RGPD2: variants seen among roughly 807,000 people sequenced by gnomAD.
The protein encoded by RGPD2 is RANBP2 like and GRIP domain containing 2.
A neutral mutation model predicts 36.0 loss-of-function variants in RGPD2; 2 were observed. The observed-to-expected ratio is 0.06, with a 90% CI of 0.02 to 0.17. RGPD2 has a LOEUF of 0.17. RGPD2 is among the 10% of genes least tolerant of loss of function. The pLI is 1.00. For synonymous variants in RGPD2, 19 were observed against 163.8 expected (o/e 0.12, Z 6.75); for missense variants, 40 against 464.3 (o/e 0.09, Z 8.40).
At chr2:87,937,770 A>C in the RGPD2 span, among the ~76,000 whole-genome samples, 14 of 151,628 alleles carry the variant, frequency 9.2e-5, no homozygotes, top group African/African-American at 3.2e-4. Flanking sequence ...TAGCAAAGGA[A>C]ATGTGAAAGA....
chr2:87,897,937 C>A, the RGPD2 span, among the ~76,000 whole-genome samples: 44 of 150,674 alleles, frequency 2.9e-4, no homozygotes, highest in Non-Finnish European at 5.9e-4. Flanking sequence ...AATTTGTGTT[C>A]AGTATATAGA....
the RGPD2 span, among the ~76,000 whole-genome samples, chr2:87,988,742 C>T: frequency 2.0e-5 from 3 of 151,506 alleles, no homozygotes; most frequent in Non-Finnish European, 2.9e-5. Context: ...GGTTTCACCA[C>T]GTTGGCCAGG....
chr2:87,858,122 T>G, the RGPD2 span, among the ~76,000 whole-genome samples: 5 of 152,308 alleles, frequency 3.3e-5, no homozygotes, highest in African/African-American at 4.8e-5. Flanking sequence ...GATTGAGTCA[T>G]ACGTACTCAG....
chr2:87,927,198 G>A, the RGPD2 span, among the ~76,000 whole-genome samples: 6 of 130,854 alleles, frequency 4.6e-5, 1 homozygote, highest in East Asian at 1.3e-3. Flanking sequence ...GAGACAGAAA[G>A]TACATTCCCA....
chr2:87,958,480 A>G, the RGPD2 span, among the ~76,000 whole-genome samples: 2 of 152,280 alleles, frequency 1.3e-5, no homozygotes, highest in African/African-American at 4.8e-5. Context: ...TATACACCAC[A>G]TATGTGCAGA....
At chr2:87,934,491 C>T in the RGPD2 span, among the ~76,000 whole-genome samples, 1 of 140,248 alleles carries the variant, frequency 7.1e-6, no homozygotes, top group Non-Finnish European at 1.6e-5. Flanking sequence ...TTCATTACCA[C>T]CAACGGTTAC....
chr2:87,866,348 T>C, the RGPD2 span, among the ~76,000 whole-genome samples: 1 of 151,350 alleles, frequency 6.6e-6, no homozygotes. Flanking sequence ...TAATTAATCA[T>C]TGTGTCAAAT....
chr2:87,972,537 ATGG>A, the RGPD2 span: 8 of 647,132 alleles, frequency 1.2e-5, no homozygotes, highest in Admixed American at 3.0e-5. Context: ...CCGCGGAGTG[ATGG>A]TGGCCTCAGC....
chr2:87,875,417 A>T, the RGPD2 span, among the ~76,000 whole-genome samples: 1 of 152,258 alleles, frequency 6.6e-6, no homozygotes, highest in Non-Finnish European at 1.5e-5. Flanking sequence ...ACATGAAGGG[A>T]TGTTGAATTT....
chr2:87,922,311 A>T, the RGPD2 span, among the ~76,000 whole-genome samples: 1 of 151,816 alleles, frequency 6.6e-6, no homozygotes, highest in Admixed American at 6.6e-5. Context: ...AAAAAAAAAA[A>T]AAAACCAAAA....
At chr2:87,915,168 A>C in the RGPD2 span, among the ~76,000 whole-genome samples, 3 of 151,324 alleles carry the variant, frequency 2.0e-5, no homozygotes, top group African/African-American at 7.3e-5. Context: ...AAATAAACTA[A>C]ATAAAAAGGA....
chr2:87,857,176 A>G, the RGPD2 span, among the ~76,000 whole-genome samples: 1 of 152,274 alleles, frequency 6.6e-6, no homozygotes, highest in Non-Finnish European at 1.5e-5. Context: ...AATTCTTATG[A>G]AAGACAAATA....
chr2:87,935,582 A>C, the RGPD2 span, among the ~76,000 whole-genome samples: 1 of 150,574 alleles, frequency 6.6e-6, no homozygotes, highest in South Asian at 2.1e-4. Context: ...GAAGTAATAC[A>C]TGCATGTTTG....
At chr2:87,769,842 C>G (rs1323321156) in intron 22 of RGPD2, among the ~76,000 whole-genome samples, 2 of 151,770 alleles carry the variant, frequency 1.3e-5, no homozygotes, top group African/African-American at 2.4e-5. Context: ...TTTTTTATAA[C>G]TATAAAATTA....
chr2:87,866,691 G>A, the RGPD2 span, among the ~76,000 whole-genome samples: 430 of 152,282 alleles, frequency 2.8e-3, no homozygotes, highest in African/African-American at 9.8e-3. Flanking sequence ...CGGATCCACG[G>A]CACACACCTG....
At chr2:87,964,990 C>T in the RGPD2 span, among the ~76,000 whole-genome samples, 1 of 151,988 alleles carries the variant, frequency 6.6e-6, no homozygotes, top group Admixed American at 6.6e-5. Context: ...TTACCCCCAC[C>T]AAACTAGTAT....
At chr2:87,894,841 C>T in the RGPD2 span, among the ~76,000 whole-genome samples, 5 of 131,476 alleles carry the variant, frequency 3.8e-5, no homozygotes, top group Non-Finnish European at 8.1e-5. Context: ...GTTGGTGAAA[C>T]GTAGCAGTTG....
chr2:87,830,410 C>T (rs1292162147), upstream of RGPD2, among the ~76,000 whole-genome samples: 1 of 152,126 alleles, frequency 6.6e-6, no homozygotes, highest in African/African-American at 2.4e-5. Context: ...TCACTATCAG[C>T]ATTTTGGTCA....
intron 22 of RGPD2, chr2:87,767,032 G>GT (rs1685005968): frequency 6.6e-6 from 1 of 151,566 alleles, no homozygotes; most frequent in Non-Finnish European, 1.5e-5. Context: ...TATGCTACTG[G>GT]TTAAAAATAA....
Sources: gnomAD v4.1 joint callset for allele counts (sites outside exome capture counted in the v4.1 genomes callset) on GRCh38, gnomAD v4.1.1 for gene constraint, MANE v1.5 for transcripts, NCBI Gene and HGNC (gene_info 2026-07-23, HGNC 2026-07-21) for gene names.